Variants in LINGO3 observed in about 807,000 individuals in gnomAD.
LINGO3 encodes the protein leucine-rich repeat and immunoglobulin-like domain-containing nogo receptor-interacting protein 3.
For missense variants in LINGO3, 750 were observed against 867.7 expected (o/e 0.86, Z 1.70); for synonymous variants, 427 against 444.2 (o/e 0.96, Z 0.49).
chr19:2,291,226 CA>C lies in LINGO3; in HGVS notation c.550del (p.Cys184AlafsTer63). 6.2e-7 allele frequency: 1 copy of C among 1,611,280 alleles called. No individual in the cohort carries two copies. Among genetic ancestry groups the C allele is most frequent in the African/African-American group, 1.3e-5 (1 of 75,030 alleles). ...CTCCCCGGACAGAGCCGTGAGGTTG[CA>C]GCGCTCCAGGGTCAGCTCCTCCAGG... On this transcript the variant is annotated frameshift_variant, in exon 1 of 1. Transcript: ENST00000585527. LOFTEE classifies it low-confidence loss of function (END_TRUNC).
At chr19:2,303,855 G>A in the LINGO3 span, among the ~76,000 whole-genome samples, 1 of 152,232 alleles carries the variant, frequency 6.6e-6, no homozygotes, top group South Asian at 2.1e-4. Flanking sequence ...ATGGCCCCTT[G>A]TCCACTCCAG....
exon 1 of LINGO3, chr19:2,291,158 G>A (rs746267588): frequency 6.2e-7 from 1 of 1,607,144 alleles, no homozygotes; most frequent in South Asian, 1.1e-5. Flanking sequence ...ATGGCCAGGT[G>A]GCGCAGCCGC....
chr19:2,287,921 GT>G (rs1194475069), downstream of LINGO3, among the ~76,000 whole-genome samples: 5 of 152,196 alleles, frequency 3.3e-5, no homozygotes, highest in Non-Finnish European at 7.4e-5. The surrounding 1 kb of genome is among the most constrained non-coding windows in gnomAD (Gnocchi z 4.5). Flanking sequence ...TCTGGCTGAG[GT>G]TTTGGCCCAA....
rs765311639 is a variant in LINGO3 at position 2,291,470 on chromosome 19, G to A, written c.307C>T (p.Arg103Cys). ...CCACGGAGACGCAGGACGCGCAGGC[G>A]CGGCAGGTTGGCGAAGGCGCCGGGC... Residue 103 changes from arginine to cysteine, a missense_variant, in exon 1 of 1, where the codon CGC becomes TGC. Coordinates refer to ENST00000585527, the Ensembl canonical transcript of LINGO3. 1.7e-5 allele frequency: 27 copies of A among 1,612,606 alleles called. 1 individual carries two copies. The highest frequency in any genetic ancestry group is 1.7e-4 in the Admixed American group (10 of 59,948).
exon 1 of LINGO3, chr19:2,291,464 G>C (rs2025520590): frequency 6.2e-7 from 1 of 1,612,720 alleles, no homozygotes; most frequent in Admixed American, 1.7e-5. Context: ...CGCAGGACGC[G>C]CAGGCGCGGC....
At chr19:2,291,477 G>T in exon 1 of LINGO3, 1 of 1,612,606 alleles carries the variant, frequency 6.2e-7, no homozygotes, top group Non-Finnish European at 8.5e-7. Context: ...GGCGCGGCAG[G>T]TTGGCGAAGG....
exon 1 of LINGO3, chr19:2,291,134 C>T: frequency 1.2e-6 from 2 of 1,607,678 alleles, no homozygotes; most frequent in Admixed American, 1.7e-5. Context: ...AAGTTCTGGT[C>T]CTCCAGGGAG....
exon 1 of LINGO3, chr19:2,291,858 G>A (rs964533573): frequency 3.2e-6 from 4 of 1,236,098 alleles, no homozygotes; most frequent in Non-Finnish European, 4.5e-6. Context: ...CGTTAGCACC[G>A]TTAGCACCCC....
the LINGO3 span, among the ~76,000 whole-genome samples, chr19:2,307,330 A>G: frequency 6.6e-6 from 1 of 152,180 alleles, no homozygotes; most frequent in African/African-American, 2.4e-5. Context: ...CACGTTGAGA[A>G]ACCCAGTTAC....
Position 2,290,302 on chromosome 19 carries a change from AAGT to A in LINGO3, c.1472_1474del (p.Tyr491del). On this transcript the variant is annotated inframe_deletion, in exon 1 of 1. Coordinates refer to ENST00000585527, the Ensembl canonical transcript of LINGO3. The surrounding 1 kb of genome is among the most constrained non-coding windows in gnomAD (Gnocchi z 6.0). ...CTCGGGGCGCACGGTCAGCGTGGCG[AAGT>A]AGGTGTCGTTGCCGCCCGCGTTGCT... 1 of 1,575,544 alleles carries A rather than the reference AAGT, an allele frequency of 6.3e-7. No individual in the cohort carries two copies.
At chr19:2,291,632 G>A in exon 1 of LINGO3, 3 of 1,451,678 alleles carry the variant, frequency 2.1e-6, no homozygotes, top group Non-Finnish European at 2.7e-6. Flanking sequence ...ATGCCGTCGG[G>A]CACGGCGGTC....
the LINGO3 span, among the ~76,000 whole-genome samples, chr19:2,298,462 G>A: frequency 1.3e-5 from 2 of 151,634 alleles, no homozygotes; most frequent in Non-Finnish European, 2.9e-5. Context: ...GAACTCCTGG[G>A]CTGAAGTGAT....
At chr19:2,303,007 C>T in the LINGO3 span, among the ~76,000 whole-genome samples, 4 of 152,282 alleles carry the variant, frequency 2.6e-5, no homozygotes, top group Non-Finnish European at 4.4e-5. Flanking sequence ...GGCGCATCCA[C>T]GCCCTGTTAC....
chr19:2,294,989 C>T (rs1217512149), upstream of LINGO3, among the ~76,000 whole-genome samples: 11 of 152,272 alleles, frequency 7.2e-5, no homozygotes, highest in Admixed American at 6.5e-4. This position sits in a 1 kb window ranked among gnomAD's most constrained non-coding sequence, Gnocchi z 4.3. Context: ...TGTGCGTCTC[C>T]TCACGGTTCC....
chr19:2,293,737 T>C (rs1327285282), upstream of LINGO3, among the ~76,000 whole-genome samples: 1 of 151,610 alleles, frequency 6.6e-6, no homozygotes, highest in Non-Finnish European at 1.5e-5. Context: ...TCAGACCCTG[T>C]TGTAGGTGGA....
chr19:2,293,240 G>A (rs150558619), upstream of LINGO3, among the ~76,000 whole-genome samples: 16 of 151,748 alleles, frequency 1.1e-4, no homozygotes, highest in East Asian at 2.5e-3. Flanking sequence ...AATTTTTTGT[G>A]TTTTTAGTAG....
At chr19:2,307,979 G>A in the LINGO3 span, among the ~76,000 whole-genome samples, 1 of 151,914 alleles carries the variant, frequency 6.6e-6, no homozygotes, top group Non-Finnish European at 1.5e-5. Flanking sequence ...ATGGGGTCGC[G>A]GGTTGGGGGC....
At chr19:2,298,143 C>T in the LINGO3 span, among the ~76,000 whole-genome samples, 2 of 152,198 alleles carry the variant, frequency 1.3e-5, no homozygotes, top group African/African-American at 4.8e-5. Flanking sequence ...CCTGCCTCAG[C>T]CTCCTAAAGT....
upstream of LINGO3, among the ~76,000 whole-genome samples, chr19:2,295,458 G>C (rs574497095): frequency 1.3e-5 from 2 of 152,218 alleles, no homozygotes; most frequent in Non-Finnish European, 2.9e-5. Flanking sequence ...CCTCTTGCCC[G>C]GCGCGGTGGC....
Sources: gnomAD v4.1 joint callset for allele counts (sites outside exome capture counted in the v4.1 genomes callset) on GRCh38, gnomAD v4.1.1 for gene constraint, Gnocchi (gnomAD v3.1) non-coding constraint, MANE v1.5 for transcripts, NCBI Gene and HGNC (gene_info 2026-07-23, HGNC 2026-07-21) for gene names.